Variants in CDH4 observed in about 807,000 individuals in gnomAD.
CDH4 encodes cadherin 4, also known as cadherin-4.
In CDH4, 33 loss-of-function variants were observed where a neutral mutation model predicts 86.0. That is an observed-to-expected ratio of 0.38 (90% CI 0.29 to 0.51). The LOEUF is 0.51. CDH4 is among the 20% of genes least tolerant of loss of function. CDH4 has a pLI of 0.86. For synonymous variants in CDH4, 555 were observed against 549.4 expected (o/e 1.01, Z -0.14); for missense variants, 1,114 against 1,307.4 (o/e 0.85, Z 2.28).
chr20:61,662,679 T>C (rs2087272876), intron 2 of CDH4, among the ~76,000 whole-genome samples: 2 of 152,126 alleles, frequency 1.3e-5, no homozygotes, highest in Non-Finnish European at 2.9e-5. Context: ...GAACGGACAG[T>C]GTCTGAGGTG....
At chr20:61,263,172 A>G (rs2084137503) in intron 2 of CDH4, among the ~76,000 whole-genome samples, 1 of 152,090 alleles carries the variant, frequency 6.6e-6, no homozygotes. Flanking sequence ...AGGCTCCTTC[A>G]GTCCCCAGAG....
At chr20:61,347,314 C>T (rs914623242) in intron 2 of CDH4, among the ~76,000 whole-genome samples, 13 of 152,198 alleles carry the variant, frequency 8.5e-5, no homozygotes, top group Admixed American at 7.2e-4. Context: ...TGATGGCCAA[C>T]GTGGTTTTAG....
intron 2 of CDH4, among the ~76,000 whole-genome samples, chr20:61,726,396 A>G (rs35992717): frequency 0.33 from 50,162 of 151,808 alleles, 9,365 homozygotes; most frequent in South Asian, 0.44. Context: ...GGCAGAGACT[A>G]CATTTCGGAA....
intron 4 of CDH4, among the ~76,000 whole-genome samples, chr20:61,783,975 GC>G (rs1417439778): frequency 2.2e-4 from 2 of 9,160 alleles, no homozygotes; most frequent in Non-Finnish European, 5.5e-4. Flanking sequence ...AGTTCTCGAG[GC>G]CCTCAGGTGT....
At chr20:61,509,674 G>T (rs923124165) in intron 2 of CDH4, among the ~76,000 whole-genome samples, 2 of 151,998 alleles carry the variant, frequency 1.3e-5, no homozygotes, top group Non-Finnish European at 2.9e-5. Flanking sequence ...AGGCAGGCGG[G>T]AGAAGTCAGG....
At chr20:61,757,231 A>G (rs2088575826) in intron 3 of CDH4, among the ~76,000 whole-genome samples, 1 of 135,154 alleles carries the variant, frequency 7.4e-6, no homozygotes, top group Non-Finnish European at 1.6e-5. Context: ...ATCAGAACAC[A>G]GACCCCCCCC....
At chr20:61,819,358 T>G (rs1326044796) in intron 4 of CDH4, among the ~76,000 whole-genome samples, 1 of 152,214 alleles carries the variant, frequency 6.6e-6, no homozygotes, top group Non-Finnish European at 1.5e-5. Context: ...GGCTTCCAGA[T>G]GCATGAGCAC....
At chr20:61,353,543 T>C (rs1010378294) in intron 2 of CDH4, among the ~76,000 whole-genome samples, 1 of 139,060 alleles carries the variant, frequency 7.2e-6, no homozygotes, top group Non-Finnish European at 1.6e-5. Context: ...GCACTGAGAG[T>C]GGACATCTCT....
At chr20:61,448,158 C>T (rs533143082) in intron 2 of CDH4, among the ~76,000 whole-genome samples, 43 of 152,330 alleles carry the variant, frequency 2.8e-4, no homozygotes, top group African/African-American at 1.0e-3. Context: ...CTTTAGACTC[C>T]ATGCTGGCTG....
At chr20:61,848,215 C>T (rs1265425686) in intron 5 of CDH4, among the ~76,000 whole-genome samples, 1 of 152,166 alleles carries the variant, frequency 6.6e-6, no homozygotes, top group Non-Finnish European at 1.5e-5. Flanking sequence ...TCAGGCCTCC[C>T]ACACTCCCCA....
chr20:61,609,948 A>G (rs2086672510), intron 2 of CDH4, among the ~76,000 whole-genome samples: 2 of 152,196 alleles, frequency 1.3e-5, no homozygotes, highest in South Asian at 4.1e-4. Context: ...AACCAGGATC[A>G]TCGGGGTACC....
At chr20:61,847,198 A>C (rs1982499825) in intron 5 of CDH4, among the ~76,000 whole-genome samples, 3 of 152,178 alleles carry the variant, frequency 2.0e-5, no homozygotes, top group Non-Finnish European at 4.4e-5. Flanking sequence ...CTCCCCGGAA[A>C]AGGTTTCAGG....
At chr20:61,827,935 T>G (rs895929700) in intron 4 of CDH4, among the ~76,000 whole-genome samples, 6 of 152,122 alleles carry the variant, frequency 3.9e-5, no homozygotes, top group African/African-American at 1.4e-4. Context: ...TACAAATAAA[T>G]AAATCTCACG....
intron 2 of CDH4, among the ~76,000 whole-genome samples, chr20:61,492,829 C>G (rs2085635884): frequency 6.6e-6 from 1 of 152,140 alleles, no homozygotes; most frequent in Non-Finnish European, 1.5e-5. Context: ...GGAAGGGCTA[C>G]TTTAAATAGT....
intron 3 of CDH4, among the ~76,000 whole-genome samples, chr20:61,750,320 G>C (rs2088476232): frequency 6.6e-6 from 1 of 152,146 alleles, no homozygotes; most frequent in African/African-American, 2.4e-5. Context: ...ATGGACGTCA[G>C]AAAGATCATT....
Position 61,936,960 on chromosome 20 carries a change from G to T in CDH4, c.*17G>T. On this transcript the variant is annotated 3_prime_UTR_variant, in exon 16 of 16. Coordinates refer to ENST00000614565, the MANE Select transcript of CDH4 (RefSeq NM_001794.5). ...GAGGATTGACTGACCTCGCATCTTC[G>T]GACCGAAGTGAGAGCCGTGCTCGGA... The T allele has an allele frequency of 6.5e-7, 1 of 1,545,046 alleles. No homozygotes were observed. The highest frequency in any genetic ancestry group is 8.7e-7 in the Non-Finnish European group (1 of 1,143,036).
intron 2 of CDH4, among the ~76,000 whole-genome samples, chr20:61,390,991 C>G (rs1486700665): frequency 6.6e-6 from 1 of 152,152 alleles, no homozygotes. Flanking sequence ...AAGAGATATT[C>G]TTCACTAATA....
chr20:61,555,658 C>T (rs750031086), intron 2 of CDH4, among the ~76,000 whole-genome samples: 2 of 152,240 alleles, frequency 1.3e-5, no homozygotes, highest in Non-Finnish European at 2.9e-5. Context: ...TATTCGACAA[C>T]TCCACATAAA....
chr20:61,712,871 C>T (rs1024288642), intron 2 of CDH4, among the ~76,000 whole-genome samples: 4 of 152,158 alleles, frequency 2.6e-5, no homozygotes, highest in Non-Finnish European at 5.9e-5. Flanking sequence ...AGCTCTGACT[C>T]GCCGAGGGTG....
Sources: gnomAD v4.1 joint callset for allele counts (sites outside exome capture counted in the v4.1 genomes callset) on GRCh38, gnomAD v4.1.1 for gene constraint, MANE v1.5 for transcripts, NCBI Gene and HGNC (gene_info 2026-07-23, HGNC 2026-07-21) for gene names.